Variants in TAMM41 observed in about 807,000 individuals in gnomAD.
TAMM41 encodes the protein TAM41 mitochondrial translocator assembly and maintenance homolog.
TAMM41 carries 36 observed loss-of-function variants against 44.1 expected under a neutral mutation model. That is an observed-to-expected ratio of 0.82 (90% CI 0.63 to 1.08). The LOEUF is 1.08. Among genes scored for constraint, TAMM41 ranks in the 50% least tolerant of loss-of-function variants. The pLI is 0.00. For missense variants in TAMM41, 417 were observed against 404.3 expected (o/e 1.03, Z -0.27); for synonymous variants, 164 against 153.1 (o/e 1.07, Z -0.53).
chr3:11,808,540 C>T, intron 6 of TAMM41: 2 of 985,518 alleles, frequency 2.0e-6, no homozygotes, highest in Non-Finnish European at 2.4e-6. Flanking sequence ...CAAAGCATTA[C>T]TGGAAATTCT....
At chr3:11,823,867 C>T (rs2078632932) in intron 4 of TAMM41, among the ~76,000 whole-genome samples, 1 of 145,856 alleles carries the variant, frequency 6.9e-6, no homozygotes, top group Admixed American at 7.0e-5. Flanking sequence ...TACTCGGTCG[C>T]CAGGCTGGAG....
the TAMM41 span, among the ~76,000 whole-genome samples, chr3:11,771,517 C>T: frequency 1.3e-5 from 2 of 152,014 alleles, no homozygotes; most frequent in African/African-American, 2.4e-5. Flanking sequence ...TTATTTGAGT[C>T]GGAGTTTTGC....
At chr3:11,775,909 C>G in the TAMM41 span, among the ~76,000 whole-genome samples, 1 of 152,114 alleles carries the variant, frequency 6.6e-6, no homozygotes, top group South Asian at 2.1e-4. Flanking sequence ...ATTTCAGTGT[C>G]CCCATGAACT....
At chr3:11,791,926 A>G (rs1452713139) in intron 7 of TAMM41, among the ~76,000 whole-genome samples, 1 of 152,126 alleles carries the variant, frequency 6.6e-6, no homozygotes, top group Non-Finnish European at 1.5e-5. Flanking sequence ...CACCCACTTC[A>G]GCATTGAGAC....
At chr3:11,782,174 C>T in the TAMM41 span, among the ~76,000 whole-genome samples, 1 of 152,202 alleles carries the variant, frequency 6.6e-6, no homozygotes, top group African/African-American at 2.4e-5. Flanking sequence ...ATTTTTGAGT[C>T]ATACAGAACT....
rs61264653 is a variant in TAMM41 at position 11,793,059 on chromosome 3, CAAAAA to C, written c.938-2483_938-2479del. On this transcript the variant is annotated intron_variant, in intron 7 of 7. Coordinates refer to ENST00000455809, the MANE Select transcript of TAMM41 (RefSeq NM_001284401.2). The stretch of plus-strand genomic sequence containing the variant: ...CTGGCCACAGAGCAAGGCCCCATCT[CAAAAA>C]AAAAAAAAAAAAAAAAAAAAGAGAG... 9.9e-3 allele frequency among the ~76,000 whole-genome samples: 647 copies of C among 65,126 alleles called. 11 individuals are homozygous for C. Among genetic ancestry groups the C allele is most frequent in the African/African-American group, 0.041 (606 of 14,928 alleles). 42.7% of individuals were successfully genotyped at this position (65,126 alleles called of 152,430 possible).
intron 5 of TAMM41, among the ~76,000 whole-genome samples, chr3:11,814,383 A>G (rs2078205968): frequency 6.6e-6 from 1 of 152,158 alleles, no homozygotes. Flanking sequence ...TGCATCCATA[A>G]TACAAGAATA....
the TAMM41 span, among the ~76,000 whole-genome samples, chr3:11,728,742 C>T: frequency 2.0e-5 from 3 of 152,218 alleles, no homozygotes; most frequent in Admixed American, 1.3e-4. Context: ...GGCACGGTAA[C>T]TCACGCCTGA....
chr3:11,762,095 T>G, the TAMM41 span, among the ~76,000 whole-genome samples: 1 of 152,056 alleles, frequency 6.6e-6, no homozygotes, highest in Non-Finnish European at 1.5e-5. Flanking sequence ...AAAACCCAAT[T>G]CCTGCTTCTC....
the TAMM41 span, among the ~76,000 whole-genome samples, chr3:11,776,792 C>A: frequency 1.3e-5 from 2 of 152,188 alleles, no homozygotes; most frequent in African/African-American, 4.8e-5. Flanking sequence ...CATTGTAAGT[C>A]AAGGAGCCTG....
intron 4 of TAMM41, among the ~76,000 whole-genome samples, chr3:11,823,106 A>C (rs962389253): frequency 6.6e-6 from 1 of 152,062 alleles, no homozygotes; most frequent in East Asian, 1.9e-4. Context: ...ATTTGTATTG[A>C]TGTTTCCATT....
chr3:11,762,064 T>A, the TAMM41 span, among the ~76,000 whole-genome samples: 1 of 152,112 alleles, frequency 6.6e-6, no homozygotes, highest in Non-Finnish European at 1.5e-5. Flanking sequence ...TTGGTGCCCT[T>A]GCCATGCCTG....
intron 5 of TAMM41, among the ~76,000 whole-genome samples, chr3:11,813,728 C>G (rs1264861643): frequency 1.3e-5 from 2 of 151,760 alleles, no homozygotes; most frequent in African/African-American, 4.8e-5. Context: ...GCAGGAGGAT[C>G]GCTTGAGCCC....
intron 2 of TAMM41, chr3:11,843,392 G>A (rs1024735715): frequency 1.4e-4 from 21 of 152,390 alleles, no homozygotes; most frequent in African/African-American, 5.1e-4. Context: ...CAACCTAGGG[G>A]ATTCTGATGC....
At chr3:11,805,647 G>C (rs1438767911) in intron 7 of TAMM41, among the ~76,000 whole-genome samples, 1 of 152,200 alleles carries the variant, frequency 6.6e-6, no homozygotes, top group Non-Finnish European at 1.5e-5. Flanking sequence ...TATCCAAGCA[G>C]CTGGGCTATG....
intron 5 of TAMM41, among the ~76,000 whole-genome samples, chr3:11,812,921 G>A (rs773674169): frequency 7.9e-5 from 12 of 152,164 alleles, no homozygotes; most frequent in Admixed American, 2.0e-4. Context: ...GATGGGAGAA[G>A]ATGAGTCTCA....
the TAMM41 span, among the ~76,000 whole-genome samples, chr3:11,764,013 G>A: frequency 6.6e-6 from 1 of 151,876 alleles, no homozygotes; most frequent in Non-Finnish European, 1.5e-5. Context: ...TACTTTTTTG[G>A]TTGTTGTTGA....
the TAMM41 span, among the ~76,000 whole-genome samples, chr3:11,729,654 G>A: frequency 7.0e-6 from 1 of 143,344 alleles, no homozygotes; most frequent in African/African-American, 2.6e-5. Context: ...TCCACCTCCT[G>A]GTTCAAGCGA....
the TAMM41 span, among the ~76,000 whole-genome samples, chr3:11,730,169 C>A: frequency 6.6e-6 from 1 of 152,136 alleles, no homozygotes; most frequent in East Asian, 1.9e-4. Context: ...GTTTGTAATC[C>A]CAGCACTTTG....
Sources: gnomAD v4.1 joint callset for allele counts (sites outside exome capture counted in the v4.1 genomes callset) on GRCh38, gnomAD v4.1.1 for gene constraint, MANE v1.5 for transcripts, NCBI Gene and HGNC (gene_info 2026-07-23, HGNC 2026-07-21) for gene names.